Variants in ARHGAP23 observed in about 807,000 individuals in gnomAD.
ARHGAP23 encodes rho GTPase-activating protein 23.
In ARHGAP23, 34 loss-of-function variants were observed where a neutral mutation model predicts 136.3. The observed-to-expected ratio is 0.25, with a 90% CI of 0.19 to 0.33. The LOEUF (loss-of-function observed/expected upper bound fraction) is 0.33. Among genes scored for constraint, ARHGAP23 ranks in the 10% least tolerant of loss-of-function variants. ARHGAP23 has a pLI of 1.00. For missense variants in ARHGAP23, 1,808 were observed against 2,139.0 expected, an observed-to-expected ratio of 0.85 and a Z score of 3.05; for synonymous variants, 832 against 920.5, an observed-to-expected ratio of 0.90 and a Z score of 1.74.
intron 20 of ARHGAP23, among the ~76,000 whole-genome samples, chr17:38,492,874 G>T (rs1475197296): frequency 6.6e-6 from 1 of 152,228 alleles, no homozygotes; most frequent in Non-Finnish European, 1.5e-5. Flanking sequence ...GGAACCTCCC[G>T]TGAGGGTGTG....
intron 3 of ARHGAP23, 38 bp from the exon 4 acceptor site, chr17:38,462,808 C>T: frequency 2.1e-6 from 3 of 1,433,786 alleles, no homozygotes; most frequent in East Asian, 2.5e-5. Flanking sequence ...TGTGACCTTC[C>T]CCAGCCACCC....
intron 1 of ARHGAP23, among the ~76,000 whole-genome samples, chr17:38,441,126 G>A (rs1382130181): frequency 3.3e-5 from 5 of 152,232 alleles, no homozygotes; most frequent in African/African-American, 1.2e-4. Context: ...CAGCCCCACA[G>A]GGATCCACCA....
At chr17:38,482,413 T>TC in intron 15 of ARHGAP23, 110 bp from the exon 16 acceptor site, 12 of 1,141,430 alleles carry the variant, frequency 1.1e-5, no homozygotes, top group South Asian at 1.7e-5. Flanking sequence ...GGCCTTTTGT[T>TC]CCCCCCAAGG....
At chr17:38,497,718 A>G (rs2040423550) in intron 20 of ARHGAP23, 67 bp from the exon 21 acceptor site, 4 of 1,497,854 alleles carry the variant, frequency 2.7e-6, no homozygotes, top group Admixed American at 3.9e-5. Flanking sequence ...GTCCTCTGGA[A>G]TGAGCAGGTG....
chr17:38,498,435 C>G lies in ARHGAP23; in HGVS notation c.3340C>G (p.Pro1114Ala), dbSNP rs1423277232. The G allele has an allele frequency of 6.5e-7, 1 of 1,548,456 alleles. No homozygotes were observed. Among genetic ancestry groups the G allele is most frequent in the East Asian group, 2.4e-5 (1 of 40,858 alleles). ...GCAGACCCCTGTGGGCGACAAGGAGCCTCAGGCAGTGCCCAACATTGAGTA... is the reference window on the plus strand; with the variant it reads ...GCAGACCCCTGTGGGCGACAAGGAGGCTCAGGCAGTGCCCAACATTGAGTA... The part of the protein sequence containing the change: ...GERTPVGDKE[P>A]QAVPNIEYLL... The change falls in exon 22 of 24, where the codon CCT (proline) becomes GCT (alanine). Residue 1114 changes from proline (P) to alanine (A), a missense_variant. Pro to Ala is a conservative substitution (Grantham distance 27, BLOSUM62 -1). Transcript: ENST00000622683.
chr17:38,443,677 G>A (rs1176940141), intron 1 of ARHGAP23, among the ~76,000 whole-genome samples: 1 of 151,708 alleles, frequency 6.6e-6, no homozygotes, highest in Non-Finnish European at 1.5e-5. Context: ...GGGAGGGATG[G>A]GCAGGGCTGG....
rs535112505 is a variant in ARHGAP23 at position 38,504,216 on chromosome 17, C to T, written c.3447+3588C>T. Among the ~76,000 whole-genome samples the T allele has an allele frequency of 3.9e-5, 6 of 152,342 alleles. No individual in the cohort carries two copies. The South Asian group carries it at 8.3e-4, about 21-fold the overall frequency. ...GTCCTGAGCCTGAGCTGAAACCAAC[C>T]GGCCAAGCCTCTAAGAAACGGAGGC... On this transcript the variant is annotated intron_variant, in intron 23 of 23. Transcript: ENST00000622683.
chr17:38,510,302 C>T lies in ARHGAP23; in HGVS notation c.3806C>T (p.Ala1269Val), dbSNP rs1251259504. Residue 1269 changes from alanine (A) to valine (V), a missense_variant, in exon 24 of 24, where the codon GCA becomes GTA. Coordinates refer to ENST00000622683, the MANE Select transcript of ARHGAP23 (RefSeq NM_001199417.2). The surrounding 1 kb of genome is among the most constrained non-coding windows in gnomAD (Gnocchi z 4.6). ...SVCSGASGRR[A>V]GAGDEADDER... ...TGCTCGGGCGCTAGCGGTCGGCGGG[C>T]AGGGGCGGGGGATGAGGCGGACGAC... 7.8e-7 allele frequency: 1 copy of T among 1,283,056 alleles called. No individual in the cohort carries two copies. The highest frequency in any genetic ancestry group is 9.8e-7 in the Non-Finnish European group (1 of 1,015,420). The allele number at this position is 1,283,056 out of a possible 1,614,324, so 79.5% of individuals were successfully genotyped here.
At chr17:38,436,396 C>CCA (rs2038798499) in intron 1 of ARHGAP23, among the ~76,000 whole-genome samples, 5 of 151,388 alleles carry the variant, frequency 3.3e-5, no homozygotes, top group Admixed American at 3.3e-4. Context: ...CCTACCCCCC[C>CCA]AAAAAAAACG....
intron 1 of ARHGAP23, among the ~76,000 whole-genome samples, chr17:38,448,129 G>T (rs2144555859): frequency 6.6e-6 from 1 of 152,256 alleles, no homozygotes; most frequent in Non-Finnish European, 1.5e-5. Context: ...GCTTGCCAAA[G>T]TTCAGCCAAG....
At chr17:38,507,249 TGG>T (rs973100314) in intron 23 of ARHGAP23, among the ~76,000 whole-genome samples, 4 of 146,614 alleles carry the variant, frequency 2.7e-5, no homozygotes, top group Admixed American at 2.7e-4. Flanking sequence ...CACTCCAGCC[TGG>T]GTGACAGAGG....
chr17:38,481,304 G>A (rs1207734428), intron 14 of ARHGAP23, among the ~76,000 whole-genome samples: 3 of 152,018 alleles, frequency 2.0e-5, no homozygotes, highest in African/African-American at 4.8e-5. Flanking sequence ...CCACCACCAC[G>A]CCTGGCTAAT....
intron 6 of ARHGAP23, among the ~76,000 whole-genome samples, chr17:38,465,495 A>G (rs1336204528): frequency 6.6e-6 from 1 of 151,188 alleles, no homozygotes; most frequent in Non-Finnish European, 1.5e-5. Context: ...CTGGGAGCTG[A>G]CTCCTTTTTT....
chr17:38,474,182 A>G (rs1021601204), intron 11 of ARHGAP23, among the ~76,000 whole-genome samples: 38 of 152,230 alleles, frequency 2.5e-4, no homozygotes, highest in Non-Finnish European at 2.9e-5. Flanking sequence ...TGGCCTCCCA[A>G]AGTGCTTGGA....
chr17:38,509,835 G>C (rs1199297188), intron 23 of ARHGAP23, 109 bp from the exon 24 acceptor site: 1 of 879,234 alleles, frequency 1.1e-6, no homozygotes, highest in Non-Finnish European at 1.5e-6. Flanking sequence ...GGCCTTGGCT[G>C]GGGCTTGTGG....
In ARHGAP23 at chr17:38,444,100, C is replaced by T. The variant is rs548167052; in HGVS notation, c.64-14002C>T. 1.2e-4 allele frequency among the ~76,000 whole-genome samples: 18 copies of T among 152,224 alleles called. No homozygotes were observed. The South Asian group carries it at 2.3e-3, about 19-fold the overall frequency. ...TCTCTCCTTGACCAAAGGGAGACCC[C>T]GAGATTCCACAGTTGCTCTGTCCTT... On this transcript the variant is annotated intron_variant, in intron 1 of 23. Coordinates refer to ENST00000622683, the MANE Select transcript of ARHGAP23 (RefSeq NM_001199417.2).
At chr17:38,426,391 A>T (rs1486867042), upstream of ARHGAP23, among the ~76,000 whole-genome samples, 2 of 151,820 alleles carry the variant, frequency 1.3e-5, no homozygotes, top group African/African-American at 4.8e-5. Flanking sequence ...AAATACAAAA[A>T]ATTAAAAAAT....
At chr17:38,422,468 C>T (rs2038529100) in intron 1 of ARHGAP23, among the ~76,000 whole-genome samples, 1 of 152,198 alleles carries the variant, frequency 6.6e-6, no homozygotes, top group Non-Finnish European at 1.5e-5. Context: ...GGGTGTCACA[C>T]AGTGAAAAGC....
chr17:38,501,900 TATA>T (rs1567829026), intron 23 of ARHGAP23, among the ~76,000 whole-genome samples: 2 of 150,758 alleles, frequency 1.3e-5, no homozygotes, highest in African/African-American at 4.8e-5. Flanking sequence ...TAGAAAATAG[TATA>T]ATTTTAAATA....
Sources: allele counts gnomAD v4.1 joint callset (sites outside exome capture counted in the v4.1 genomes callset), GRCh38; gene constraint gnomAD v4.1.1; non-coding constraint Gnocchi (gnomAD v3.1); transcripts MANE v1.5; gene names NCBI Gene and HGNC (gene_info 2026-07-23, HGNC 2026-07-21).